The following MSRA variants were observed in gnomAD, a reference collection of about 807,000 sequenced individuals.
MSRA encodes mitochondrial peptide methionine sulfoxide reductase.
In MSRA, 54 loss-of-function variants were observed where a neutral mutation model predicts 31.3. The ratio of observed to expected loss-of-function variants is 1.73; its 90% CI spans 1.39 to 2.17. The LOEUF (loss-of-function observed/expected upper bound fraction) is 2.17. Ranked by LOEUF, MSRA falls within the 30% of genes most tolerant of loss-of-function variation. MSRA has a pLI of 0.00. For missense variants in MSRA, 507 were observed against 300.9 expected (o/e 1.69, Z -5.07); for synonymous variants, 169 against 116.5 (o/e 1.45, Z -2.90).
intron 1 of MSRA, among the ~76,000 whole-genome samples, chr8:10,113,052 C>T (rs1454468962): frequency 6.6e-6 from 1 of 152,144 alleles, no homozygotes; most frequent in East Asian, 1.9e-4. Flanking sequence ...GCAGCTCCAT[C>T]ACCTCACAGG....
chr8:10,257,001 T>G (rs971394665), intron 3 of MSRA, among the ~76,000 whole-genome samples: 3 of 152,234 alleles, frequency 2.0e-5, no homozygotes, highest in African/African-American at 4.8e-5. Context: ...GTGAAAAATG[T>G]TAAAATATTT....
chr8:10,426,123 A>G (rs1422881637), intron 5 of MSRA, among the ~76,000 whole-genome samples: 1 of 152,196 alleles, frequency 6.6e-6, no homozygotes, highest in African/African-American at 2.4e-5. Flanking sequence ...CGGCCAGCAC[A>G]TACTCCATTT....
chr8:10,139,037 T>C (rs1020507887), intron 1 of MSRA, among the ~76,000 whole-genome samples: 1 of 152,176 alleles, frequency 6.6e-6, no homozygotes, highest in South Asian at 2.1e-4. Context: ...TCTTTTGAGA[T>C]CTAAGATTCT....
At chr8:10,394,602 A>G (rs1806978579) in intron 5 of MSRA, among the ~76,000 whole-genome samples, 1 of 152,258 alleles carries the variant, frequency 6.6e-6, no homozygotes, top group African/African-American at 2.4e-5. Flanking sequence ...GGGAAAACCA[A>G]GGCTCAGAAC....
At chr8:10,140,868 TCACAGA>T (rs1281637535) in intron 1 of MSRA, among the ~76,000 whole-genome samples, 59 of 151,644 alleles carry the variant, frequency 3.9e-4, no homozygotes, top group Admixed American at 3.3e-4. Context: ...AAGAGAAAGA[TCACAGA>T]CACAGACACA....
chr8:10,101,190 T>C (rs183372887), intron 1 of MSRA, among the ~76,000 whole-genome samples: 4 of 152,188 alleles, frequency 2.6e-5, no homozygotes, highest in African/African-American at 9.6e-5. Context: ...GGCCAAGTTA[T>C]GTAAACCTAA....
chr8:10,227,009 A>G (rs778438257), intron 2 of MSRA, among the ~76,000 whole-genome samples: 6 of 152,174 alleles, frequency 3.9e-5, no homozygotes, highest in Non-Finnish European at 7.3e-5. Flanking sequence ...GGCTTCCACG[A>G]GCAGAGGTCA....
At chr8:10,288,546 G>C (rs1243692767) in intron 3 of MSRA, among the ~76,000 whole-genome samples, 1 of 151,984 alleles carries the variant, frequency 6.6e-6, no homozygotes, top group Non-Finnish European at 1.5e-5. Context: ...ATTTTTTTTG[G>C]GGGGCTGTGG....
chr8:10,336,850 G>A (rs761169733), intron 5 of MSRA: 5 of 152,154 alleles, frequency 3.3e-5, no homozygotes, highest in African/African-American at 7.2e-5. Context: ...TAGACCCAAC[G>A]TTTGCTGCAA....
chr8:10,406,373 A>G (rs745728500), intron 5 of MSRA, among the ~76,000 whole-genome samples: 96 of 152,368 alleles, frequency 6.3e-4, no homozygotes, highest in Non-Finnish European at 9.7e-4. Context: ...CTTCTACAAG[A>G]TGATATTGTC....
chr8:10,334,432 G>C lies in MSRA; in HGVS notation c.543+14443G>C, dbSNP rs78278011. The stretch of plus-strand genomic sequence containing the variant: ...GAGTGATAGGATCAGAGAAACTACC[G>C]GGGGCGGGGGGGAGGTGCAGGGACG... On this transcript the variant is annotated intron_variant, in intron 5 of 5. Transcript: ENST00000317173. 8.9e-4 allele frequency among the ~76,000 whole-genome samples: 135 copies of C among 152,124 alleles called. 1 individual carries two copies. Among genetic ancestry groups the C allele is most frequent in the African/African-American group, 3.0e-3 (124 of 41,500 alleles).
At chr8:10,266,339 C>A (rs985971120) in intron 3 of MSRA, among the ~76,000 whole-genome samples, 2 of 152,152 alleles carry the variant, frequency 1.3e-5, no homozygotes, top group Non-Finnish European at 2.9e-5. Context: ...ATTTTCCTGA[C>A]GACCGAATTA....
intron 1 of MSRA, among the ~76,000 whole-genome samples, chr8:10,169,251 C>T (rs1038345319): frequency 1.3e-5 from 2 of 152,158 alleles, no homozygotes; most frequent in African/African-American, 4.8e-5. Context: ...GGAAAATTGG[C>T]CAAAGCCTTA....
chr8:10,078,768 C>T (rs568564726), intron 1 of MSRA, among the ~76,000 whole-genome samples: 143 of 152,362 alleles, frequency 9.4e-4, no homozygotes, highest in Non-Finnish European at 1.5e-3. Context: ...GATTCTTTGA[C>T]CAAAAACAAC....
intron 1 of MSRA, among the ~76,000 whole-genome samples, chr8:10,156,680 C>A (rs923450220): frequency 1.3e-5 from 2 of 152,050 alleles, no homozygotes; most frequent in African/African-American, 4.8e-5. Flanking sequence ...GCATATTCTT[C>A]CTCCACTGCC....
Position 10,237,408 on chromosome 8 carries a change from A to G in MSRA, c.212-7696A>G, listed in dbSNP as rs555243599. On this transcript the variant is annotated intron_variant, in intron 2 of 5. Transcript: ENST00000317173. The stretch of plus-strand genomic sequence containing the variant: ...TGTAGGTCAATTATATATGTTGACT[A>G]AATTTACAAATAAACTTGTGTGTCC... Among the ~76,000 whole-genome samples, 28 of 152,408 alleles carry G rather than the reference A, an allele frequency of 1.8e-4. 1 individual carries two copies. In the South Asian group the frequency reaches 5.8e-3, roughly 32 times the overall value.
chr8:10,063,598 G>C (rs1332423833), intron 1 of MSRA, among the ~76,000 whole-genome samples: 1 of 152,176 alleles, frequency 6.6e-6, no homozygotes, highest in Admixed American at 6.5e-5. Flanking sequence ...GGCTTTGGGA[G>C]GTGATTAGTC....
chr8:10,365,944 G>A (rs2129167675), intron 5 of MSRA, among the ~76,000 whole-genome samples: 2 of 152,308 alleles, frequency 1.3e-5, no homozygotes, highest in Admixed American at 1.3e-4. Context: ...AGTCAATGGG[G>A]CTGCAGGACG....
At chr8:10,325,047 C>T (rs1802282186) in intron 5 of MSRA, among the ~76,000 whole-genome samples, 1 of 152,182 alleles carries the variant, frequency 6.6e-6, no homozygotes, top group Non-Finnish European at 1.5e-5. Context: ...GAACTGGGTA[C>T]TGTGGCTGGC....
Sources: gnomAD v4.1 joint callset for allele counts (sites outside exome capture counted in the v4.1 genomes callset) on GRCh38, gnomAD v4.1.1 for gene constraint, MANE v1.5 for transcripts, NCBI Gene and HGNC (gene_info 2026-07-23, HGNC 2026-07-21) for gene names.